Variants in MAST4 observed in about 807,000 individuals in gnomAD.
MAST4 encodes the protein microtubule-associated serine/threonine-protein kinase 4.
In MAST4, 89 loss-of-function variants were observed where a neutral mutation model predicts 162.7. That is an observed-to-expected ratio of 0.55 (90% CI 0.46 to 0.65). The LOEUF (loss-of-function observed/expected upper bound fraction) is 0.65. Ranked by LOEUF, MAST4 falls within the 30% of genes least tolerant of loss-of-function variation. The pLI is 0.00. For missense variants in MAST4, 3,153 were observed against 3,374.0 expected (o/e 0.93, Z 1.62); for synonymous variants, 1,479 against 1,361.1 (o/e 1.09, Z -1.91).
At chr5:66,739,012 G>A (rs145042246) in intron 1 of MAST4, among the ~76,000 whole-genome samples, 1,871 of 152,110 alleles carry the variant, frequency 0.012, 13 homozygotes, top group Middle Eastern at 0.024. Flanking sequence ...TTTTCCTATA[G>A]ATCTTTTTTT....
chr5:66,659,790 C>T (rs910119546), intron 1 of MAST4, among the ~76,000 whole-genome samples: 11 of 152,170 alleles, frequency 7.2e-5, no homozygotes, highest in East Asian at 3.8e-4. Context: ...TGCTGTGTAG[C>T]GCATGTGCTA....
chr5:67,053,195 G>A (rs6890445), intron 4 of MAST4, among the ~76,000 whole-genome samples: 2,488 of 152,270 alleles, frequency 0.016, 45 homozygotes, highest in African/African-American at 0.044. Context: ...TTATAAATAT[G>A]GGACTGTTGA....
chr5:66,750,995 C>T (rs1753121222), intron 1 of MAST4, among the ~76,000 whole-genome samples: 1 of 152,184 alleles, frequency 6.6e-6, no homozygotes. Flanking sequence ...ACCCCTGACC[C>T]CCAAGCAGCC....
intron 3 of MAST4, among the ~76,000 whole-genome samples, chr5:66,895,359 C>T (rs1360644990): frequency 2.6e-5 from 4 of 152,094 alleles, no homozygotes; most frequent in African/African-American, 9.7e-5. Context: ...CTGTAAAGTC[C>T]CATGGCTTTA....
chr5:66,710,266 T>C (rs1248575645), intron 1 of MAST4, among the ~76,000 whole-genome samples: 2 of 152,352 alleles, frequency 1.3e-5, no homozygotes, highest in Admixed American at 6.5e-5. Flanking sequence ...TGGAGAAATA[T>C]TGTGTTTTTT....
intron 1 of MAST4, among the ~76,000 whole-genome samples, chr5:66,601,958 A>G (rs1369334646): frequency 6.6e-6 from 1 of 152,130 alleles, no homozygotes; most frequent in African/African-American, 2.4e-5. Flanking sequence ...GTGAGATGCG[A>G]TTGTCCCTAG....
intron 4 of MAST4, among the ~76,000 whole-genome samples, chr5:67,035,561 C>G (rs571121285): frequency 6.6e-6 from 1 of 152,160 alleles, no homozygotes; most frequent in African/African-American, 2.4e-5. Flanking sequence ...TCACTTCCTA[C>G]TCATCAGAGT....
chr5:66,617,475 A>ATT (rs5868457), intron 1 of MAST4, among the ~76,000 whole-genome samples: 61 of 141,588 alleles, frequency 4.3e-4, no homozygotes, highest in African/African-American at 1.5e-3. Flanking sequence ...GAGAAGGGTT[A>ATT]TTTTTTTTTT....
At chr5:66,852,635 T>C (rs904553957) in intron 3 of MAST4, among the ~76,000 whole-genome samples, 1 of 152,202 alleles carries the variant, frequency 6.6e-6, no homozygotes, top group Non-Finnish European at 1.5e-5. Flanking sequence ...TTTGCACAAC[T>C]GAAATTCATT....
chr5:67,073,852 AAAATT>A (rs1761265596), intron 5 of MAST4, among the ~76,000 whole-genome samples: 1 of 152,204 alleles, frequency 6.6e-6, no homozygotes, highest in South Asian at 2.1e-4. Flanking sequence ...ATTACCTGTA[AAAATT>A]AAATGCTAAA....
intron 4 of MAST4, among the ~76,000 whole-genome samples, chr5:67,041,534 C>A (rs1003902043): frequency 5.3e-5 from 8 of 152,052 alleles, no homozygotes; most frequent in African/African-American, 1.9e-4. Context: ...TTTTGATGGC[C>A]AAGATTTATA....
intron 5 of MAST4, among the ~76,000 whole-genome samples, chr5:67,069,615 G>T (rs912110451): frequency 6.6e-6 from 1 of 152,154 alleles, no homozygotes; most frequent in East Asian, 1.9e-4. Context: ...TCTGAGGATG[G>T]ATGTGCCCTT....
intron 23 of MAST4, among the ~76,000 whole-genome samples, chr5:67,146,022 A>G (rs1046312121): frequency 2.0e-5 from 3 of 152,228 alleles, no homozygotes; most frequent in African/African-American, 7.2e-5. Context: ...CAGAAATACC[A>G]GCATGATTTA....
chr5:66,668,810 T>C (rs1328613994), intron 1 of MAST4, among the ~76,000 whole-genome samples: 2 of 152,206 alleles, frequency 1.3e-5, no homozygotes, highest in East Asian at 1.9e-4. Context: ...TCAGAGGTAG[T>C]AGGGGGAAGC....
chr5:66,929,218 A>T (rs1182496771), intron 4 of MAST4, among the ~76,000 whole-genome samples: 1 of 152,158 alleles, frequency 6.6e-6, no homozygotes. Context: ...CTTGGGGGCC[A>T]TTAGGGTAAG....
chr5:66,870,705 T>C, intron 3 of MAST4: 1 of 459,790 alleles, frequency 2.2e-6, no homozygotes, highest in South Asian at 1.6e-5. Flanking sequence ...TTCTGACCAT[T>C]TCTCCATCAT....
At chr5:66,687,961 C>A (rs1175745540) in intron 1 of MAST4, among the ~76,000 whole-genome samples, 5 of 152,126 alleles carry the variant, frequency 3.3e-5, no homozygotes, top group Non-Finnish European at 7.3e-5. Flanking sequence ...GTGTGGCACA[C>A]AATGTTAGCT....
chr5:67,082,494 C>CAG (rs1334420622), intron 5 of MAST4, among the ~76,000 whole-genome samples: 3 of 152,134 alleles, frequency 2.0e-5, no homozygotes, highest in Non-Finnish European at 4.4e-5. Context: ...GGAACTGTTT[C>CAG]AGACTGAATG....
At chr5:66,673,518 TTTTTG>T (rs1484510502) in intron 1 of MAST4, among the ~76,000 whole-genome samples, 1 of 138,478 alleles carries the variant, frequency 7.2e-6, no homozygotes, top group African/African-American at 2.5e-5. Flanking sequence ...TTTTTTTTGT[TTTTTG>T]TTTTTTGTTT....
Sources: allele counts gnomAD v4.1 joint callset (sites outside exome capture counted in the v4.1 genomes callset), GRCh38; gene constraint gnomAD v4.1.1; transcripts MANE v1.5; gene names NCBI Gene and HGNC (gene_info 2026-07-23, HGNC 2026-07-21).